The following DLGAP2 variants were observed in gnomAD, a reference collection of about 807,000 sequenced individuals.
The protein encoded by DLGAP2 is DLG associated protein 2, also known as disks large-associated protein 2.
A neutral mutation model predicts 100.3 loss-of-function variants in DLGAP2; 26 were observed. The ratio of observed to expected loss-of-function variants is 0.26; its 90% CI spans 0.19 to 0.36. DLGAP2 has a LOEUF of 0.36. DLGAP2 is among the 10% of genes least tolerant of loss of function. DLGAP2 has a pLI of 1.00. For missense variants in DLGAP2, 1,858 were observed against 1,453.2 expected (o/e 1.28, Z -4.53); for synonymous variants, 886 against 630.1 (o/e 1.41, Z -6.08).
intron 3 of DLGAP2, among the ~76,000 whole-genome samples, chr8:1,452,380 C>T (rs537273652): frequency 6.6e-6 from 1 of 152,218 alleles, no homozygotes; most frequent in African/African-American, 2.4e-5. Context: ...CAGCCCTGAG[C>T]CGAGGCTATG....
intron 3 of DLGAP2, among the ~76,000 whole-genome samples, chr8:1,317,542 G>C (rs1169231315): frequency 3.7e-5 from 5 of 135,512 alleles, no homozygotes; most frequent in Non-Finnish European, 7.8e-5. Flanking sequence ...CGAGTGCAGC[G>C]TGTCTCCAAC....
At chr8:1,071,119 A>G (rs896032724) in intron 2 of DLGAP2, among the ~76,000 whole-genome samples, 1 of 152,010 alleles carries the variant, frequency 6.6e-6, no homozygotes, top group African/African-American at 2.4e-5. Flanking sequence ...TGCTCCTCCC[A>G]CGGATTTGCA....
chr8:1,233,239 G>A (rs1798574078), intron 2 of DLGAP2, among the ~76,000 whole-genome samples: 1 of 152,234 alleles, frequency 6.6e-6, no homozygotes, highest in African/African-American at 2.4e-5. Flanking sequence ...TATGATGAAT[G>A]AGAGGCTGCT....
At chr8:826,781 G>A (rs1796691840) in intron 1 of DLGAP2, among the ~76,000 whole-genome samples, 1 of 152,178 alleles carries the variant, frequency 6.6e-6, no homozygotes, top group Non-Finnish European at 1.5e-5. Context: ...ACGTGTTCCT[G>A]TGTCCCAGCT....
intron 6 of DLGAP2, among the ~76,000 whole-genome samples, chr8:1,597,144 T>G (rs948798761): frequency 2.6e-5 from 4 of 152,220 alleles, no homozygotes; most frequent in Non-Finnish European, 5.9e-5. Flanking sequence ...TTGTTTGTTT[T>G]TGTCAGGTTT....
At chr8:775,467 TATG>T (rs1459305445) in intron 1 of DLGAP2, among the ~76,000 whole-genome samples, 2 of 141,042 alleles carry the variant, frequency 1.4e-5, no homozygotes, top group Non-Finnish European at 3.1e-5. Context: ...GCCCATTCAG[TATG>T]ATATTGGCTG....
chr8:1,318,571 C>G (rs989375417), intron 3 of DLGAP2, among the ~76,000 whole-genome samples: 30 of 151,404 alleles, frequency 2.0e-4, no homozygotes, highest in Admixed American at 2.0e-3. Context: ...TTCGTTACCT[C>G]CAGTTTATCA....
intron 2 of DLGAP2, among the ~76,000 whole-genome samples, chr8:1,113,623 T>C (rs1013952345): frequency 2.6e-5 from 4 of 152,180 alleles, no homozygotes; most frequent in African/African-American, 4.8e-5. Context: ...TTTCTAGATA[T>C]AGAATCTTGT....
intron 2 of DLGAP2, among the ~76,000 whole-genome samples, chr8:1,249,325 G>C (rs1224835280): frequency 6.6e-6 from 1 of 152,144 alleles, no homozygotes; most frequent in African/African-American, 2.4e-5. Context: ...GAGCGTCTCA[G>C]GGCCCCTCAT....
intron 2 of DLGAP2, among the ~76,000 whole-genome samples, chr8:1,217,499 G>A (rs549951354): frequency 6.6e-6 from 1 of 152,140 alleles, no homozygotes; most frequent in Non-Finnish European, 1.5e-5. Flanking sequence ...GGATCAAATG[G>A]TAGTTCTAGT....
intron 3 of DLGAP2, among the ~76,000 whole-genome samples, chr8:1,285,601 C>G (rs1388197082): frequency 6.6e-6 from 1 of 152,124 alleles, no homozygotes; most frequent in South Asian, 2.1e-4. Flanking sequence ...CTGATTCATA[C>G]AATAATCACT....
chr8:1,513,905 T>A (rs1021759442), intron 4 of DLGAP2, among the ~76,000 whole-genome samples: 6 of 152,198 alleles, frequency 3.9e-5, no homozygotes, highest in African/African-American at 1.2e-4. Context: ...CCTTCATTCA[T>A]CCATCCATTT....
At chr8:1,475,238 G>A (rs187831926) in intron 3 of DLGAP2, among the ~76,000 whole-genome samples, 19 of 152,080 alleles carry the variant, frequency 1.2e-4, no homozygotes, top group East Asian at 5.8e-4. Context: ...GACAGTATCC[G>A]TCATACCCCA....
At chr8:1,043,485 C>T (rs920830789) in intron 2 of DLGAP2, among the ~76,000 whole-genome samples, 8 of 151,770 alleles carry the variant, frequency 5.3e-5, no homozygotes, top group African/African-American at 1.9e-4. Context: ...GATGTGTCTA[C>T]CCTGGGGCTT....
At chr8:1,313,035 C>T (rs544026656) in intron 3 of DLGAP2, among the ~76,000 whole-genome samples, 13 of 152,334 alleles carry the variant, frequency 8.5e-5, no homozygotes, top group East Asian at 1.9e-4. Flanking sequence ...AGGACTGAGA[C>T]GCACATGTGC....
chr8:1,081,396 G>A, intron 2 of DLGAP2, among the ~76,000 whole-genome samples: 1 of 152,218 alleles, frequency 6.6e-6, no homozygotes, highest in Non-Finnish European at 1.5e-5. Context: ...CTGTCGCCCA[G>A]GTTGGAGTGC....
chr8:1,431,499 A>C (rs1268892974), intron 3 of DLGAP2, among the ~76,000 whole-genome samples: 3 of 152,200 alleles, frequency 2.0e-5, no homozygotes, highest in Non-Finnish European at 4.4e-5. Flanking sequence ...CAGAAAGAAG[A>C]AGAGAAAGGA....
chr8:1,669,153 A>G (rs1798624125), intron 9 of DLGAP2, among the ~76,000 whole-genome samples: 1 of 152,174 alleles, frequency 6.6e-6, no homozygotes, highest in South Asian at 2.1e-4. Flanking sequence ...TCTCCTCTCT[A>G]CAGAAATTGG....
intron 3 of DLGAP2, among the ~76,000 whole-genome samples, chr8:1,316,039 G>T (rs1200256355): frequency 7.2e-5 from 10 of 138,836 alleles, no homozygotes; most frequent in South Asian, 2.5e-4. Flanking sequence ...GAGACACTTG[G>T]CAGCTTTTAA....
Sources: gnomAD v4.1 joint callset for allele counts (sites outside exome capture counted in the v4.1 genomes callset) on GRCh38, gnomAD v4.1.1 for gene constraint, MANE v1.5 for transcripts, NCBI Gene and HGNC (gene_info 2026-07-23, HGNC 2026-07-21) for gene names.